The following LUZP2 variants were observed in gnomAD, a reference collection of about 807,000 sequenced individuals.
The protein encoded by LUZP2 is leucine zipper protein 2.
Under a neutral mutation model 51.6 loss-of-function variants are expected in LUZP2, and 52 were observed. The ratio of observed to expected loss-of-function variants is 1.01; its 90% confidence interval spans 0.81 to 1.27. The LOEUF (loss-of-function observed/expected upper bound fraction) is 1.27. Among genes scored for constraint, LUZP2 ranks in the 50% most tolerant of loss-of-function variants. LUZP2 has a pLI of 0.00. For synonymous variants in LUZP2, 154 were observed against 137.3 expected, an observed-to-expected ratio of 1.12 and a Z score of -0.85; for missense variants, 436 against 395.4, an observed-to-expected ratio of 1.10 and a Z score of -0.87.
At chr11:24,983,754 T>A (rs1397537311) in intron 9 of LUZP2, among the ~76,000 whole-genome samples, 1 of 151,208 alleles carries the variant, frequency 6.6e-6, no homozygotes, top group Non-Finnish European at 1.5e-5. Context: ...TGTGTTTAGG[T>A]GTATTTACAT....
At chr11:24,635,962 T>G (rs1855090877) in intron 1 of LUZP2, among the ~76,000 whole-genome samples, 1 of 152,162 alleles carries the variant, frequency 6.6e-6, no homozygotes, top group Non-Finnish European at 1.5e-5. Flanking sequence ...CATGCTATCC[T>G]TACATATTGT....
At chr11:24,646,234 G>T (rs1855454932) in intron 1 of LUZP2, among the ~76,000 whole-genome samples, 1 of 152,008 alleles carries the variant, frequency 6.6e-6, no homozygotes, top group African/African-American at 2.4e-5. Flanking sequence ...GTGTAAAAAT[G>T]AGAAAGTAAT....
intron 1 of LUZP2, among the ~76,000 whole-genome samples, chr11:24,528,628 A>G (rs1324726883): frequency 6.6e-6 from 1 of 151,154 alleles, no homozygotes; most frequent in African/African-American, 2.4e-5. Context: ...ATTAATCCTC[A>G]TCAAAATATT....
intron 1 of LUZP2, among the ~76,000 whole-genome samples, chr11:24,692,906 G>T (rs1857121223): frequency 6.6e-6 from 1 of 151,714 alleles, no homozygotes; most frequent in Non-Finnish European, 1.5e-5. Flanking sequence ...GAGTCTATTT[G>T]ATTTTCACAG....
chr11:24,964,565 A>G (rs1257777372), intron 7 of LUZP2, among the ~76,000 whole-genome samples: 1 of 152,120 alleles, frequency 6.6e-6, no homozygotes, highest in Non-Finnish European at 1.5e-5. Flanking sequence ...CTGCCTAAGT[A>G]AGGAACAATC....
chr11:24,616,620 T>A (rs902867426), intron 1 of LUZP2, among the ~76,000 whole-genome samples: 2 of 152,098 alleles, frequency 1.3e-5, no homozygotes, highest in African/African-American at 4.8e-5. Flanking sequence ...ACATATTTGT[T>A]TTTGTCTGTT....
At chr11:24,511,563 GTAA>G (rs1005289391) in intron 1 of LUZP2, among the ~76,000 whole-genome samples, 4 of 152,082 alleles carry the variant, frequency 2.6e-5, no homozygotes, top group East Asian at 1.9e-4. Context: ...GTATTCATAA[GTAA>G]TAATCTTTAT....
At chr11:24,734,957 T>C (rs541199355) in intron 3 of LUZP2, among the ~76,000 whole-genome samples, 1 of 151,964 alleles carries the variant, frequency 6.6e-6, no homozygotes, top group African/African-American at 2.4e-5. Context: ...AGGCTTCTTT[T>C]ATGTGACTCT....
At chr11:24,695,732 T>C (rs1857226575) in intron 1 of LUZP2, among the ~76,000 whole-genome samples, 1 of 152,086 alleles carries the variant, frequency 6.6e-6, no homozygotes, top group Non-Finnish European at 1.5e-5. Context: ...GTATACATTG[T>C]ATGAGTTACT....
chr11:24,508,801 C>T (rs1590116297), intron 1 of LUZP2, among the ~76,000 whole-genome samples: 1 of 152,104 alleles, frequency 6.6e-6, no homozygotes, highest in South Asian at 2.1e-4. Flanking sequence ...CTTTTCAGTG[C>T]CTTATGAAGT....
At chr11:25,041,625 G>A in intron 9 of LUZP2, among the ~76,000 whole-genome samples, 1 of 152,206 alleles carries the variant, frequency 6.6e-6, no homozygotes, top group Non-Finnish European at 1.5e-5. Context: ...TCTTATATAT[G>A]TAATATGTAT....
rs1178380106 is a variant in LUZP2, at chr11:24,914,463, T to G, written c.460-13T>G. On this transcript the variant is annotated splice_polypyrimidine_tract_variant and intron_variant, in intron 6 of 11. Transcript: ENST00000336930. ...AATGAGTTACACAACTTATCCATGTTTTTGCCTTACAGTCAAAAAAAATCC... is the reference window on the plus strand; with the variant it reads ...AATGAGTTACACAACTTATCCATGTGTTTGCCTTACAGTCAAAAAAAATCC... 6.3e-7 allele frequency: 1 copy of G among 1,590,958 alleles called. No homozygotes were observed. The highest frequency in any genetic ancestry group is 8.6e-7 in the Non-Finnish European group (1 of 1,165,322).
intron 10 of LUZP2, among the ~76,000 whole-genome samples, chr11:25,069,784 AT>A (rs1296102550): frequency 1.3e-5 from 2 of 151,966 alleles, no homozygotes; most frequent in African/African-American, 4.8e-5. Context: ...TCTTTATTTG[AT>A]TATACTATAA....
At position 24,925,797 on chromosome 11, in the gene LUZP2, A is replaced by G. The variant is rs1310602538; in HGVS notation, c.522+11259A>G. Among the ~76,000 whole-genome samples, 4 of 151,854 alleles carry G rather than the reference A, an allele frequency of 2.6e-5. No homozygotes were observed. The East Asian group carries it at 5.8e-4, about 22-fold the overall frequency. On this transcript the variant is annotated intron_variant, in intron 7 of 11. Transcript: ENST00000336930. ...GATCAGGTGGTGTTTGCTTACATGA[A>G]TTAGTTTGTTAGTGGTGATTTCTGA...
intron 5 of LUZP2, among the ~76,000 whole-genome samples, chr11:24,853,876 C>T (rs1851469138): frequency 6.6e-6 from 1 of 152,168 alleles, no homozygotes; most frequent in Non-Finnish European, 1.5e-5. Context: ...TAACAGGCCC[C>T]TCAGCTACAG....
chr11:25,023,312 AT>A (rs1857393449), intron 9 of LUZP2, among the ~76,000 whole-genome samples: 1 of 151,994 alleles, frequency 6.6e-6, no homozygotes, highest in South Asian at 2.1e-4. Context: ...AATAGCCTCA[AT>A]TTCACAGTCT....
chr11:24,694,741 A>G (rs1266736222), intron 1 of LUZP2, among the ~76,000 whole-genome samples: 3 of 152,168 alleles, frequency 2.0e-5, no homozygotes, highest in Admixed American at 1.3e-4. Flanking sequence ...CTATGCAGCC[A>G]TAAAAAAGAA....
At chr11:24,976,486 T>TG (rs1855883456) in intron 7 of LUZP2, 105 bp from the exon 8 acceptor site, 1 of 597,408 alleles carries the variant, frequency 1.7e-6, no homozygotes. Flanking sequence ...TTTTTTTTTT[T>TG]TTCTTTTCTC....
chr11:24,875,417 A>G (rs1367609391), intron 5 of LUZP2, among the ~76,000 whole-genome samples: 7 of 143,724 alleles, frequency 4.9e-5, no homozygotes, highest in South Asian at 2.3e-4. Context: ...CCATGTCCCT[A>G]CAAAGGACAT....
Sources: allele counts gnomAD v4.1 joint callset (sites outside exome capture counted in the v4.1 genomes callset), GRCh38; gene constraint gnomAD v4.1.1; transcripts MANE v1.5; gene names NCBI Gene and HGNC (gene_info 2026-07-23, HGNC 2026-07-21).